GNB1L: variants seen among roughly 807,000 people sequenced by gnomAD.
GNB1L encodes G protein subunit beta 1 like.
Under a neutral mutation model 29.1 loss-of-function variants are expected in GNB1L, and 20 were observed. That is an observed-to-expected ratio of 0.69 (90% CI 0.48 to 1.00). The LOEUF (loss-of-function observed/expected upper bound fraction) is 1.00, where lower values mean the gene tolerates loss of function less well. Among genes scored for constraint, GNB1L ranks in the 50% least tolerant of loss-of-function variants. The pLI, the probability that GNB1L is intolerant of heterozygous loss-of-function variation, is 0.00. For missense variants in GNB1L, 421 were observed against 464.9 expected, an observed-to-expected ratio of 0.91 and a Z score of 0.87; for synonymous variants, 193 against 206.5, an observed-to-expected ratio of 0.93 and a Z score of 0.56.
intron 3 of GNB1L, 128 bp from the exon 4 acceptor site, chr22:19,820,851 T>A: frequency 8.7e-7 from 1 of 1,150,348 alleles, no homozygotes; most frequent in Non-Finnish European, 1.2e-6. Context: ...CCAACAGCTC[T>A]AAATATGAAC....
intron 2 of GNB1L, among the ~76,000 whole-genome samples, chr22:19,843,299 A>T (rs1937893541): frequency 6.6e-6 from 1 of 152,260 alleles, no homozygotes; most frequent in Admixed American, 6.5e-5. Context: ...GCGACCTTCG[A>T]TTCATTGAAT....
intron 7 of GNB1L, 72 bp downstream of exon 7, chr22:19,801,929 A>G: frequency 7.9e-7 from 1 of 1,262,776 alleles, no homozygotes; most frequent in Non-Finnish European, 1.1e-6. Context: ...CTTCATGCCT[A>G]AATATTGTTT....
At position 19,829,457 on chromosome 22, in the gene GNB1L, T is replaced by C. The variant is rs79133540; in HGVS notation, c.-20-8082A>G. 4.0e-3 allele frequency among the ~76,000 whole-genome samples: 610 copies of C among 152,324 alleles called. 17 individuals are homozygous for C. The South Asian group carries it at 0.083, about 21-fold the overall frequency. On this transcript the variant is annotated intron_variant, in intron 2 of 7. Transcript: ENST00000329517. ...CAAATAGAAATTTAAAAACAACTTT[T>C]AGGTGAAATGGGATAACTGAAACCA...
chr22:19,789,020 T>C, intron 7 of GNB1L, 60 bp from the exon 8 acceptor site: 1 of 1,522,762 alleles, frequency 6.6e-7, no homozygotes. Context: ...GTGCTGCCCC[T>C]GGTGCCCCAC....
chr22:19,812,329 G>A lies in GNB1L; in HGVS notation c.373C>T (p.Gln125Ter). ...GGCACGGCAAGCGTCCAGCGTGGCT[G>A]GCCCCCGGCCAGGATGCTGCTCCGG... ...FCRSSILAGG[Q>*]PRWTLAVPGR... Residue 125 changes from glutamine (Q) to a stop codon, truncating the protein, a stop_gained, in exon 5 of 8, where the codon CAG (glutamine) becomes TAG (stop). Transcript: ENST00000329517. LOFTEE classifies it high-confidence loss of function. 6.2e-7 allele frequency: 1 copy of A among 1,613,032 alleles called. No individual in the cohort carries two copies. The highest frequency in any genetic ancestry group is 8.5e-7 in the Non-Finnish European group (1 of 1,179,922).
At chr22:19,796,393 G>A (rs953929836) in intron 7 of GNB1L, among the ~76,000 whole-genome samples, 7 of 152,182 alleles carry the variant, frequency 4.6e-5, no homozygotes, top group Non-Finnish European at 8.8e-5. Context: ...CGTGTGCAGC[G>A]GGGCATCTGA....
intron 2 of GNB1L, chr22:19,851,996 G>A (rs779792100): frequency 6.2e-7 from 1 of 1,614,206 alleles, no homozygotes; most frequent in Non-Finnish European, 8.5e-7. Flanking sequence ...GTGGGGTCGG[G>A]AGCTGGGCAT....
chr22:19,820,677 C>T lies in GNB1L; in HGVS notation c.175G>A (p.Ala59Thr). 1 of 1,613,670 alleles carries T rather than the reference C, an allele frequency of 6.2e-7. No homozygotes were observed. Among genetic ancestry groups the T allele is most frequent in the Non-Finnish European group, 8.5e-7 (1 of 1,179,928 alleles). ...CCGTGGCCATCCAGGGTGGTAACCG[C>T]TCTCCGCGTCTGCAGGCTCCAGATG... is the stretch of plus-strand genomic sequence containing the variant. ...VHIWSLQTRR[A>T]VTTLDGHGGQ... Residue 59 changes from alanine to threonine, a missense_variant, in exon 4 of 8, where the codon GCG becomes ACG. By Grantham distance (58) the Ala-to-Thr change is moderately conservative (BLOSUM62 0). Coordinates refer to ENST00000329517, the MANE Select transcript of GNB1L (RefSeq NM_053004.3).
At chr22:19,798,170 G>A (rs1442508497) in intron 7 of GNB1L, among the ~76,000 whole-genome samples, 2 of 152,178 alleles carry the variant, frequency 1.3e-5, no homozygotes, top group Admixed American at 6.5e-5. Flanking sequence ...CCTGCTGCGC[G>A]GGGCCGTCAA....
rs565199945 is a variant in GNB1L, at chr22:19,789,744, G to A, written c.733-784C>T. On this transcript the variant is annotated intron_variant, in intron 7 of 7. Coordinates refer to ENST00000329517, the MANE Select transcript of GNB1L (RefSeq NM_053004.3). ...GCCTGTAATCCCAACTACTCGGGAGGAGGATCACCTGAGCCCAGTGGATGG... is the reference window on the plus strand; with the variant it reads ...GCCTGTAATCCCAACTACTCGGGAGAAGGATCACCTGAGCCCAGTGGATGG... Among the ~76,000 whole-genome samples, 13 of 151,792 alleles carry A rather than the reference G, an allele frequency of 8.6e-5. No individual in the cohort carries two copies. In the South Asian group the frequency reaches 2.7e-3, roughly 32 times the overall value.
At chr22:19,792,590 C>G in intron 7 of GNB1L, 1 of 1,597,000 alleles carries the variant, frequency 6.3e-7, no homozygotes, top group East Asian at 2.2e-5. Context: ...TTAAGCTGGC[C>G]CACAAGTACA....
chr22:19,834,548 T>C (rs916336685), intron 2 of GNB1L, among the ~76,000 whole-genome samples: 2 of 152,216 alleles, frequency 1.3e-5, no homozygotes, highest in African/African-American at 4.8e-5. Flanking sequence ...ATGGCAGTTA[T>C]AACATAATGG....
At chr22:19,812,216 C>T (rs1387574619) in intron 5 of GNB1L, 69 bp downstream of exon 5, 3 of 1,520,138 alleles carry the variant, frequency 2.0e-6, no homozygotes, top group Non-Finnish European at 2.7e-6. Context: ...GCAGGCGCCT[C>T]CTAATCAAAT....
chr22:19,853,078 T>C (rs1938147998), intron 2 of GNB1L, among the ~76,000 whole-genome samples: 2 of 152,156 alleles, frequency 1.3e-5, no homozygotes, highest in African/African-American at 4.8e-5. Context: ...GACAGAGCAG[T>C]GAGCCTGCTA....
intron 2 of GNB1L, among the ~76,000 whole-genome samples, chr22:19,831,223 G>T (rs993898826): frequency 6.6e-6 from 1 of 151,750 alleles, no homozygotes; most frequent in Non-Finnish European, 1.5e-5. Context: ...ATCTGGGCGC[G>T]GTGGCAAGCA....
chr22:19,828,966 G>T (rs1292372812), intron 2 of GNB1L, among the ~76,000 whole-genome samples: 1 of 152,042 alleles, frequency 6.6e-6, no homozygotes, highest in Admixed American at 6.5e-5. Flanking sequence ...CGAGTAGCTG[G>T]GACTACAGGC....
chr22:19,801,271 C>G (rs1937367436), intron 7 of GNB1L, among the ~76,000 whole-genome samples: 1 of 152,194 alleles, frequency 6.6e-6, no homozygotes, highest in African/African-American at 2.4e-5. Context: ...CCCCAGAAGC[C>G]AGGATGTACC....
At position 19,784,631 on chromosome 22, in the gene GNB1L, A is replaced by G. The variant is rs1309875338; in HGVS notation, c.*4078T>C. 2.6e-5 allele frequency: 4 copies of G among 152,272 alleles called. No individual in the cohort carries two copies. 9.4% of individuals were successfully genotyped at this position (152,272 alleles called of 1,614,324 possible). A position where few individuals can be genotyped will look rare whatever the true frequency, so the allele number is the denominator to read the frequency against. On this transcript the variant is annotated 3_prime_UTR_variant, in exon 8 of 8. Coordinates refer to ENST00000329517, the MANE Select transcript of GNB1L (RefSeq NM_053004.3). Reference sequence around the variant, plus strand: ...TACCTTGTAAAGTGGGGCTGCACAGAGGTCAGCACATGGTGGCGCCCACCG... The same window carrying G: ...TACCTTGTAAAGTGGGGCTGCACAGGGGTCAGCACATGGTGGCGCCCACCG...
At chr22:19,804,029 C>T (rs930818889) in intron 6 of GNB1L, among the ~76,000 whole-genome samples, 2 of 152,276 alleles carry the variant, frequency 1.3e-5, no homozygotes, top group African/African-American at 4.8e-5. Flanking sequence ...GACTGACCCG[C>T]CTGTCGTGGT....
Sources: allele counts gnomAD v4.1 joint callset (sites outside exome capture counted in the v4.1 genomes callset), GRCh38; gene constraint gnomAD v4.1.1; transcripts MANE v1.5; gene names NCBI Gene and HGNC (gene_info 2026-07-23, HGNC 2026-07-21).